GUCY1A2: variants seen among roughly 807,000 people sequenced by gnomAD.
GUCY1A2 encodes the protein guanylate cyclase 1 soluble subunit alpha 2.
GUCY1A2 carries 27 observed loss-of-function variants against 63.5 expected under a neutral mutation model. The observed-to-expected ratio is 0.43, with a 90% CI of 0.31 to 0.59. GUCY1A2 has a LOEUF of 0.59. GUCY1A2 is among the 20% of genes least tolerant of loss of function. The pLI, the probability that GUCY1A2 is intolerant of heterozygous loss-of-function variation, is 0.11. For missense variants in GUCY1A2, 768 were observed against 913.3 expected (o/e 0.84, Z 2.05); for synonymous variants, 364 against 343.5 (o/e 1.06, Z -0.66).
At chr11:106,709,190 CTA>C (rs1187307235) in intron 6 of GUCY1A2, among the ~76,000 whole-genome samples, 2 of 106,650 alleles carry the variant, frequency 1.9e-5, no homozygotes, top group African/African-American at 6.7e-5. Context: ...TTATATATAA[CTA>C]TATATAATAT....
chr11:106,823,820 G>A (rs1424068177), intron 4 of GUCY1A2, among the ~76,000 whole-genome samples: 1 of 152,074 alleles, frequency 6.6e-6, no homozygotes, highest in Non-Finnish European at 1.5e-5. Context: ...AAAGATTAGG[G>A]ATACTGATCA....
intron 6 of GUCY1A2, among the ~76,000 whole-genome samples, chr11:106,709,181 T>A (rs1049524705): frequency 7.8e-6 from 1 of 128,958 alleles, no homozygotes. Flanking sequence ...AACTATATAT[T>A]ATATATAACT....
At chr11:106,929,599 A>C (rs190630511) in intron 4 of GUCY1A2, among the ~76,000 whole-genome samples, 4 of 152,156 alleles carry the variant, frequency 2.6e-5, no homozygotes, top group African/African-American at 9.7e-5. Context: ...AAATAACGTG[A>C]TCATATTATT....
chr11:106,935,787 C>T (rs761201034), intron 4 of GUCY1A2, among the ~76,000 whole-genome samples: 25 of 150,096 alleles, frequency 1.7e-4, no homozygotes, highest in Admixed American at 8.7e-4. Flanking sequence ...GTGGAGGTTG[C>T]GGTAACCTGA....
intron 7 of GUCY1A2, among the ~76,000 whole-genome samples, chr11:106,695,100 A>G (rs1341365368): frequency 6.6e-6 from 1 of 152,244 alleles, no homozygotes; most frequent in South Asian, 2.1e-4. Context: ...CTGAGACTTC[A>G]GCTTTCTTTT....
chr11:106,743,590 T>G (rs1036733391), intron 6 of GUCY1A2, among the ~76,000 whole-genome samples: 1 of 152,210 alleles, frequency 6.6e-6, no homozygotes, highest in Non-Finnish European at 1.5e-5. Context: ...GTGGTTTCCA[T>G]GACTAGAGGG....
intron 4 of GUCY1A2, chr11:106,827,388 A>T: frequency 6.5e-7 from 1 of 1,538,954 alleles, no homozygotes; most frequent in Non-Finnish European, 9.0e-7. Flanking sequence ...AAATCACTTC[A>T]CAGCCTTCAA....
intron 4 of GUCY1A2, among the ~76,000 whole-genome samples, chr11:106,900,276 T>A (rs934769302): frequency 6.6e-6 from 1 of 152,132 alleles, no homozygotes; most frequent in Non-Finnish European, 1.5e-5. Flanking sequence ...CTCCACCTCC[T>A]GGGCTCCAGA....
intron 5 of GUCY1A2, among the ~76,000 whole-genome samples, chr11:106,779,091 A>T (rs1269366938): frequency 3.9e-5 from 6 of 152,194 alleles, no homozygotes; most frequent in Non-Finnish European, 8.8e-5. Flanking sequence ...ACACTTAAGA[A>T]GCTCATGAGA....
At chr11:106,909,353 A>ATGTGTGTGTGTGTGTGTGTGTGTGTGTG (rs1565328453) in intron 4 of GUCY1A2, among the ~76,000 whole-genome samples, 1 of 27,818 alleles carries the variant, frequency 3.6e-5, no homozygotes, top group Non-Finnish European at 7.2e-5. Flanking sequence ...GGTGGTACTC[A>ATGTGTGTGTGTGTGTGTGTGTGTGTGTG]TCTGTGTGTG....
chr11:106,950,289 C>T (rs139253356), intron 3 of GUCY1A2, among the ~76,000 whole-genome samples: 1 of 152,306 alleles, frequency 6.6e-6, no homozygotes, highest in Non-Finnish European at 1.5e-5. Context: ...CCCAGCCTTC[C>T]TTCTTCAGCA....
intron 5 of GUCY1A2, among the ~76,000 whole-genome samples, chr11:106,796,063 T>C (rs982657652): frequency 3.3e-5 from 5 of 152,196 alleles, no homozygotes; most frequent in Non-Finnish European, 5.9e-5. Flanking sequence ...CATTACGTAA[T>C]GGCCTTCTTT....
rs536620456 is a variant in GUCY1A2, at chr11:107,011,344, C to T, written c.303+6409G>A. On this transcript the variant is annotated intron_variant, in intron 1 of 7. Transcript: ENST00000526355. ...TATTTATGTTTTATTTTACTTAGAG[C>T]TCTGTATAATTAACGGCAACAGGAC... is the stretch of plus-strand genomic sequence containing the variant. Among the ~76,000 whole-genome samples the T allele has an allele frequency of 7.9e-5, 12 of 151,538 alleles. No homozygotes were observed. The East Asian group carries it at 1.4e-3, about 17-fold the overall frequency.
Position 106,687,776 on chromosome 11 carries a change from C to G in GUCY1A2, c.1992-20G>C, listed in dbSNP as rs1862554351. 6.6e-7 allele frequency: 1 copy of G among 1,518,040 alleles called. No individual in the cohort carries two copies. The highest frequency in any genetic ancestry group is 1.4e-5 in the African/African-American group (1 of 72,936). 94.0% of individuals were successfully genotyped at this position (1,518,040 alleles called of 1,614,324 possible). A position where few individuals can be genotyped will look rare whatever the true frequency, so the allele number is the denominator to read the frequency against. On this transcript the variant is annotated intron_variant, in intron 7 of 7. Coordinates refer to ENST00000526355, the MANE Select transcript of GUCY1A2 (RefSeq NM_000855.3). ...AATAATCTAAGAAGAAAATACAGAGCACATGAATCAAGTAGGCCAGGGAAA... is the reference window on the plus strand; with the variant it reads ...AATAATCTAAGAAGAAAATACAGAGGACATGAATCAAGTAGGCCAGGGAAA...
intron 4 of GUCY1A2, among the ~76,000 whole-genome samples, chr11:106,904,671 G>A (rs1404552807): frequency 6.6e-6 from 1 of 151,618 alleles, no homozygotes; most frequent in African/African-American, 2.4e-5. Context: ...CTAAATAAAA[G>A]ACAAAAATTC....
intron 3 of GUCY1A2, among the ~76,000 whole-genome samples, chr11:106,962,390 A>T (rs1861069425): frequency 6.8e-4 from 1 of 1,460 alleles, no homozygotes; most frequent in Non-Finnish European, 1.2e-3. Context: ...TCTCCACTTA[A>T]AAAAAAAAAA....
chr11:106,866,471 G>T (rs1475684093), intron 4 of GUCY1A2, among the ~76,000 whole-genome samples: 2 of 152,102 alleles, frequency 1.3e-5, no homozygotes, highest in African/African-American at 4.8e-5. Flanking sequence ...AATTGAAAGA[G>T]ATTTGGAGAG....
chr11:106,910,771 T>G (rs748255991), intron 4 of GUCY1A2, among the ~76,000 whole-genome samples: 1 of 152,052 alleles, frequency 6.6e-6, no homozygotes, highest in Non-Finnish European at 1.5e-5. Context: ...ATCATCCCAA[T>G]TTGAAACATT....
chr11:106,963,926 A>C (rs990815889), intron 3 of GUCY1A2, among the ~76,000 whole-genome samples: 1 of 152,134 alleles, frequency 6.6e-6, no homozygotes, highest in Non-Finnish European at 1.5e-5. Context: ...ACTTAGAGAA[A>C]AGTTGCAAGA....
Sources: allele counts gnomAD v4.1 joint callset (sites outside exome capture counted in the v4.1 genomes callset), GRCh38; gene constraint gnomAD v4.1.1; transcripts MANE v1.5; gene names NCBI Gene and HGNC (gene_info 2026-07-23, HGNC 2026-07-21).